The following TCEA3 variants were observed in gnomAD, a reference collection of about 807,000 sequenced individuals.
The protein encoded by TCEA3 is transcription elongation factor A protein 3.
In TCEA3, 36 loss-of-function variants were observed where a neutral mutation model predicts 44.0. The ratio of observed to expected loss-of-function variants is 0.82; its 90% CI spans 0.63 to 1.08. TCEA3 has a LOEUF of 1.08. Among genes scored for constraint, TCEA3 ranks in the 50% least tolerant of loss-of-function variants. TCEA3 has a pLI of 0.00. For synonymous variants in TCEA3, 162 were observed against 159.7 expected (o/e 1.01, Z -0.11); for missense variants, 392 against 441.2 (o/e 0.89, Z 1.00).
chr1:23,383,867 A>C (rs973562880), intron 10 of TCEA3: 8 of 990,358 alleles, frequency 8.1e-6, no homozygotes, highest in African/African-American at 1.7e-5. Context: ...TAAGACTTTC[A>C]GAGCTTCCTT....
At chr1:23,416,750 C>T (rs1202829733) in intron 4 of TCEA3, among the ~76,000 whole-genome samples, 1 of 152,206 alleles carries the variant, frequency 6.6e-6, no homozygotes, top group Admixed American at 6.5e-5. Context: ...CCTCAGCCTC[C>T]CAAAGTGCTG....
intron 5 of TCEA3, among the ~76,000 whole-genome samples, 178 bp from the exon 6 acceptor site, chr1:23,398,133 G>T (rs1004387722): frequency 7.9e-5 from 12 of 152,104 alleles, no homozygotes; most frequent in African/African-American, 2.9e-4. Flanking sequence ...ACAACCCCAT[G>T]AGGTTGATAC....
chr1:23,404,082 A>AGAG, intron 5 of TCEA3: 1 of 702,258 alleles, frequency 1.4e-6, no homozygotes, highest in Non-Finnish European at 2.6e-6. Context: ...AGGTCTGAGT[A>AGAG]GAGGCATCTG....
Position 23,419,107 on chromosome 1 carries a change from G to C in TCEA3, c.102C>G (p.His34Gln). Residue 34 changes from histidine to glutamine, a missense_variant, in exon 2 of 11, where the codon CAC becomes CAG. By Grantham distance (24) the His-to-Gln change is conservative. Transcript: ENST00000450454. ...GTAGCTGGATGGACATCTGGCAGCT[G>C]TGCAGCTTCTTCAGAAGGTCCAGGG... ...EGALDLLKKL[H>Q]SCQMSIQLLQ... The C allele has an allele frequency of 6.3e-7, 1 of 1,593,200 alleles. No homozygotes were observed. The highest frequency in any genetic ancestry group is 8.5e-7 in the Non-Finnish European group (1 of 1,171,592).
intron 4 of TCEA3, among the ~76,000 whole-genome samples, chr1:23,414,002 ATATATATAAATT>A (rs1639813863): frequency 6.8e-6 from 1 of 147,884 alleles, no homozygotes; most frequent in African/African-American, 2.5e-5. Flanking sequence ...ATATATATAT[ATATATATAAATT>A]TTATATGTAT....
chr1:23,388,881 G>T (rs189246223), intron 8 of TCEA3, among the ~76,000 whole-genome samples: 1 of 152,112 alleles, frequency 6.6e-6, no homozygotes, highest in Non-Finnish European at 1.5e-5. Flanking sequence ...TAGAGATGGG[G>T]TTTTCCCATG....
rs772470173 is a variant in TCEA3, at chr1:23,397,617, G to T, written c.608-16C>A. The T allele has an allele frequency of 6.2e-7, 1 of 1,613,274 alleles. No individual in the cohort carries two copies. ...TTGTAATCATCTAAAAGAGATTCGA[G>T]AAATACAGGTATCAGCCAGACACAA... On this transcript the variant is annotated splice_polypyrimidine_tract_variant and intron_variant, in intron 6 of 10. Coordinates refer to ENST00000450454, the MANE Select transcript of TCEA3 (RefSeq NM_003196.3).
chr1:23,414,890 G>A (rs1639841004), intron 4 of TCEA3, among the ~76,000 whole-genome samples: 1 of 152,052 alleles, frequency 6.6e-6, no homozygotes, highest in Non-Finnish European at 1.5e-5. Flanking sequence ...ATAATACTGA[G>A]TCTCAGAGAA....
At chr1:23,418,878 G>A (rs1466426996) in intron 2 of TCEA3, among the ~76,000 whole-genome samples, 199 bp downstream of exon 2, 1 of 151,842 alleles carries the variant, frequency 6.6e-6, no homozygotes, top group Non-Finnish European at 1.5e-5. Flanking sequence ...CCTACACCTA[G>A]AAGATACCCT....
At chr1:23,408,617 C>T (rs776573943) in intron 5 of TCEA3, 47 bp downstream of exon 5, 2 of 1,577,856 alleles carry the variant, frequency 1.3e-6, no homozygotes, top group Middle Eastern at 1.7e-4. Context: ...GAAGGGGACA[C>T]AGGCTGAATA....
intron 5 of TCEA3, among the ~76,000 whole-genome samples, chr1:23,398,560 TG>T (rs1639288059): frequency 6.6e-6 from 1 of 152,234 alleles, no homozygotes; most frequent in East Asian, 1.9e-4. Context: ...CTTTGCTAGA[TG>T]CCAGAACTGT....
At chr1:23,409,146 G>A (rs1415936672) in intron 4 of TCEA3, among the ~76,000 whole-genome samples, 14 of 152,224 alleles carry the variant, frequency 9.2e-5, no homozygotes, top group East Asian at 5.8e-4. Flanking sequence ...CAGCCTCCCC[G>A]GCAGGCACTT....
intron 1 of TCEA3, chr1:23,423,949 C>G (rs1640139566): frequency 6.8e-6 from 3 of 444,160 alleles, no homozygotes; most frequent in Non-Finnish European, 1.4e-5. Flanking sequence ...GGCCCCCGCA[C>G]CTGTTCGGCC....
At chr1:23,396,919 C>T (rs1037534936) in intron 7 of TCEA3, among the ~76,000 whole-genome samples, 4 of 149,892 alleles carry the variant, frequency 2.7e-5, no homozygotes, top group African/African-American at 7.4e-5. Context: ...GCAGGAGAAT[C>T]GCTTGAACCC....
In TCEA3 at chr1:23,397,829, C is replaced by T. The variant is rs1302657578; in HGVS notation, c.570G>A (p.Lys190=). 4 of 1,613,886 alleles carry T rather than the reference C, an allele frequency of 2.5e-6. No individual in the cohort carries two copies. The South Asian group carries it at 4.4e-5, about 18-fold the overall frequency. ...CYLTGDSVRD[K]CVEMLSAALK... Reference sequence around the variant, plus strand: ...GGGCTGCTGACAGCATCTCCACACACTTGTCCCGGACAGAGTCCCCTGTGA... The same window carrying T: ...GGGCTGCTGACAGCATCTCCACACATTTGTCCCGGACAGAGTCCCCTGTGA... Residue 190 remains lysine, a synonymous_variant, in exon 6 of 11, where the codon AAG becomes AAA. Transcript: ENST00000450454.
At chr1:23,398,080 TA>T in intron 5 of TCEA3, 125 bp from the exon 6 acceptor site, 1 of 1,158,110 alleles carries the variant, frequency 8.6e-7, no homozygotes, top group Non-Finnish European at 1.2e-6. Context: ...AGGTAGGTAC[TA>T]TTTTAGGCAC....
chr1:23,421,592 C>T (rs752716092), intron 1 of TCEA3, among the ~76,000 whole-genome samples: 1 of 152,050 alleles, frequency 6.6e-6, no homozygotes, highest in Admixed American at 6.6e-5. Context: ...AACATGCTGT[C>T]ACTGAACTGA....
chr1:23,406,620 T>TTTTTG (rs1042711984), intron 5 of TCEA3, among the ~76,000 whole-genome samples: 6 of 152,212 alleles, frequency 3.9e-5, no homozygotes, highest in South Asian at 2.1e-4. Flanking sequence ...GACTCTACAA[T>TTTTTG]TTTTGTTTTG....
At chr1:23,401,866 C>T (rs1022519660) in intron 5 of TCEA3, among the ~76,000 whole-genome samples, 17 of 152,070 alleles carry the variant, frequency 1.1e-4, no homozygotes, top group African/African-American at 3.9e-4. Flanking sequence ...TGTGAGGGAT[C>T]TAGGTTGCAC....
Sources: allele counts gnomAD v4.1 joint callset (sites outside exome capture counted in the v4.1 genomes callset), GRCh38; gene constraint gnomAD v4.1.1; transcripts MANE v1.5; gene names NCBI Gene and HGNC (gene_info 2026-07-23, HGNC 2026-07-21).